MCCC1: variants seen among roughly 807,000 people sequenced by gnomAD.
MCCC1 encodes the protein methylcrotonyl-CoA carboxylase subunit 1.
MCCC1 carries 64 observed loss-of-function variants against 83.8 expected under a neutral mutation model. The ratio of observed to expected loss-of-function variants is 0.76; its 90% CI spans 0.62 to 0.94. The LOEUF (loss-of-function observed/expected upper bound fraction) is 0.94. MCCC1 is among the 40% of genes least tolerant of loss of function. The probability of loss-of-function intolerance (pLI) is 0.00; values close to 1 mark genes in which losing one functional copy is unlikely to be tolerated. For missense variants in MCCC1, 807 were observed against 904.7 expected (o/e 0.89, Z 1.39); for synonymous variants, 322 against 315.4 (o/e 1.02, Z -0.22).
chr3:183,091,061 G>C (rs1284310441), intron 3 of MCCC1: 1 of 456,576 alleles, frequency 2.2e-6, no homozygotes, highest in Non-Finnish European at 4.4e-6. Context: ...GGGAGAATTG[G>C]AGGTTGGAAT....
At chr3:183,018,827 C>G (rs1045408460) in intron 17 of MCCC1, among the ~76,000 whole-genome samples, 1 of 152,174 alleles carries the variant, frequency 6.6e-6, no homozygotes, top group Non-Finnish European at 1.5e-5. Context: ...GTCTTCAGAG[C>G]CCTGTGTAGT....
chr3:183,106,072 G>C (rs1719397744), intron 1 of MCCC1, among the ~76,000 whole-genome samples: 1 of 35,046 alleles, frequency 2.9e-5, no homozygotes, highest in Non-Finnish European at 1.0e-4. Context: ...CTGAGCAACA[G>C]AGAGTCCGTA....
At chr3:183,099,005 C>T (rs1426837344) in intron 1 of MCCC1, 8 of 442,534 alleles carry the variant, frequency 1.8e-5, no homozygotes, top group Admixed American at 7.0e-5. Context: ...TATAACAACG[C>T]TCCCACCTAA....
chr3:183,033,571 T>C (rs942829881), intron 14 of MCCC1, among the ~76,000 whole-genome samples: 2 of 152,132 alleles, frequency 1.3e-5, no homozygotes, highest in African/African-American at 4.8e-5. Context: ...TGGGTAATCG[T>C]CCCTCTCTGA....
intron 4 of MCCC1, among the ~76,000 whole-genome samples, chr3:183,077,189 C>A (rs540086781): frequency 1.3e-5 from 2 of 152,294 alleles, no homozygotes; most frequent in East Asian, 3.9e-4. Flanking sequence ...ATAAATAATG[C>A]TGCTATGAAC....
chr3:183,110,664 G>C (rs1483124488), intron 1 of MCCC1, among the ~76,000 whole-genome samples: 1 of 151,560 alleles, frequency 6.6e-6, no homozygotes, highest in East Asian at 2.0e-4. Context: ...AGAGTGATGG[G>C]ATTACAGGCG....
intron 16 of MCCC1, among the ~76,000 whole-genome samples, chr3:183,022,183 A>G (rs887616719): frequency 3.3e-5 from 5 of 152,216 alleles, no homozygotes; most frequent in African/African-American, 4.8e-5. Context: ...ATTCAGGAAG[A>G]AAATGGGTAT....
At position 183,052,162 on chromosome 3, in the gene MCCC1, C is replaced by T; in HGVS notation, c.952G>A (p.Ala318Thr). The change falls in exon 9 of 19, where the codon GCA (alanine) becomes ACA (threonine). Residue 318 changes from alanine to threonine, a missense_variant. Ala to Thr is a moderately conservative substitution (Grantham distance 58). Coordinates refer to ENST00000265594, the MANE Select transcript of MCCC1 (RefSeq NM_020166.5). ...RAAKAVNYVGAGTVEFIMDSK... is the reference protein window; with the variant it reads ...RAAKAVNYVGTGTVEFIMDSK... ...TTAGAAGCAAATCTTAACCTACCTG[C>T]TCCAACATAATTTACAGCTTTAGCA... is the stretch of plus-strand genomic sequence containing the variant. The T allele has an allele frequency of 1.2e-6, 2 of 1,613,978 alleles. No homozygotes were observed. The highest frequency in any genetic ancestry group is 1.3e-5 in the African/African-American group (1 of 75,040).
chr3:183,065,305 A>C (rs754352002), intron 7 of MCCC1, among the ~76,000 whole-genome samples: 2 of 151,948 alleles, frequency 1.3e-5, no homozygotes, highest in Non-Finnish European at 2.9e-5. Flanking sequence ...GTCTTTTCAC[A>C]ATGGTATACC....
intron 8 of MCCC1, among the ~76,000 whole-genome samples, chr3:183,055,368 C>T (rs1715337028): frequency 6.6e-6 from 1 of 151,992 alleles, no homozygotes; most frequent in Non-Finnish European, 1.5e-5. Flanking sequence ...TGAGATCGCG[C>T]CACTGCACTC....
chr3:183,091,735 C>G (rs1257077634), intron 3 of MCCC1, among the ~76,000 whole-genome samples: 2 of 151,918 alleles, frequency 1.3e-5, no homozygotes, highest in Non-Finnish European at 2.9e-5. Context: ...CAGTAAGTAG[C>G]AGGTGCTAAG....
intron 15 of MCCC1, chr3:183,022,760 A>C: frequency 1.9e-6 from 1 of 513,850 alleles, no homozygotes; most frequent in Non-Finnish European, 3.4e-6. Flanking sequence ...AAGATAATTA[A>C]AAGGGAAAAA....
At chr3:183,077,818 C>T (rs937066043) in intron 4 of MCCC1, among the ~76,000 whole-genome samples, 5 of 152,076 alleles carry the variant, frequency 3.3e-5, no homozygotes, top group South Asian at 4.1e-4. Context: ...ATCTAGACTT[C>T]GGGTTCATCT....
At chr3:183,037,102 G>T in intron 13 of MCCC1, 116 bp downstream of exon 13, 1 of 951,392 alleles carries the variant, frequency 1.1e-6, no homozygotes, top group Non-Finnish European at 1.7e-6. Flanking sequence ...TGAAAAGAAT[G>T]GTGTCAGTCA....
intron 4 of MCCC1, among the ~76,000 whole-genome samples, chr3:183,074,888 A>G (rs1331589362): frequency 6.6e-6 from 1 of 152,042 alleles, no homozygotes; most frequent in Non-Finnish European, 1.5e-5. Flanking sequence ...ACTCAGGTAG[A>G]CCCCAGTGTC....
At chr3:183,041,459 A>C in intron 11 of MCCC1, 108 bp downstream of exon 11, 2 of 1,172,412 alleles carry the variant, frequency 1.7e-6, no homozygotes, top group Non-Finnish European at 2.4e-6. Flanking sequence ...TCTTTATTTT[A>C]AAATATGCTA....
chr3:183,086,530 G>A (rs903812253), intron 4 of MCCC1, among the ~76,000 whole-genome samples, 163 bp downstream of exon 4: 6 of 152,158 alleles, frequency 3.9e-5, no homozygotes, highest in Non-Finnish European at 7.3e-5. Flanking sequence ...AAGGCAGACT[G>A]GCTGAGAAAT....
At chr3:183,034,645 G>A (rs1260454321) in intron 13 of MCCC1, among the ~76,000 whole-genome samples, 1 of 152,084 alleles carries the variant, frequency 6.6e-6, no homozygotes, top group Admixed American at 6.6e-5. Context: ...GGCATAAACT[G>A]TACCACAGTC....
At chr3:183,111,654 G>T (rs1473620349) in intron 1 of MCCC1, among the ~76,000 whole-genome samples, 1 of 152,108 alleles carries the variant, frequency 6.6e-6, no homozygotes, top group South Asian at 2.1e-4. Flanking sequence ...TTATTCTTAG[G>T]CCTATTGCAG....
Sources: gnomAD v4.1 joint callset for allele counts (sites outside exome capture counted in the v4.1 genomes callset) on GRCh38, gnomAD v4.1.1 for gene constraint, MANE v1.5 for transcripts, NCBI Gene and HGNC (gene_info 2026-07-23, HGNC 2026-07-21) for gene names.